SRGAP1: variants seen among roughly 807,000 people sequenced by gnomAD.
SRGAP1 encodes the protein SLIT-ROBO Rho GTPase activating protein 1, also known as SLIT-ROBO Rho GTPase-activating protein 1.
A neutral mutation model predicts 121.9 loss-of-function variants in SRGAP1; 43 were observed. The observed-to-expected ratio is 0.35, with a 90% CI of 0.28 to 0.46. SRGAP1 has a LOEUF of 0.46. Among genes scored for constraint, SRGAP1 ranks in the 20% least tolerant of loss-of-function variants. The pLI is 1.00. For synonymous variants in SRGAP1, 447 were observed against 485.4 expected (o/e 0.92, Z 1.04); for missense variants, 1,102 against 1,350.9 (o/e 0.82, Z 2.89).
chr12:63,955,333 A>T (rs1357846470), intron 1 of SRGAP1, among the ~76,000 whole-genome samples: 2 of 152,238 alleles, frequency 1.3e-5, no homozygotes, highest in East Asian at 3.8e-4. Context: ...AAAAAAATAA[A>T]TAAAAATAAA....
intron 18 of SRGAP1, among the ~76,000 whole-genome samples, chr12:64,122,671 G>A (rs2036622628): frequency 6.6e-6 from 1 of 152,134 alleles, no homozygotes; most frequent in Admixed American, 6.5e-5. Context: ...AGGCCGAGGT[G>A]GACGGATCAC....
chr12:63,943,827 C>T (rs1228343436), intron 1 of SRGAP1, among the ~76,000 whole-genome samples: 1 of 152,088 alleles, frequency 6.6e-6, no homozygotes, highest in East Asian at 1.9e-4. Context: ...ATCAGCAGTA[C>T]ATGGCTGGAA....
At chr12:64,019,685 ATACT>A (rs925692096) in intron 4 of SRGAP1, among the ~76,000 whole-genome samples, 5 of 152,204 alleles carry the variant, frequency 3.3e-5, no homozygotes, top group South Asian at 2.1e-4. Flanking sequence ...CATTATATTA[ATACT>A]TACTCAGTTT....
chr12:64,062,789 C>T (rs2035473139), intron 6 of SRGAP1, 128 bp from the exon 7 acceptor site: 1 of 637,506 alleles, frequency 1.6e-6, no homozygotes, highest in East Asian at 2.7e-5. Context: ...AAACCAGTGC[C>T]TAATCCAATG....
chr12:64,133,434 A>G lies in SRGAP1; in HGVS notation c.2880+5234A>G, dbSNP rs548869630. Among the ~76,000 whole-genome samples the G allele has an allele frequency of 2.0e-5, 3 of 152,126 alleles. No homozygotes were observed. The South Asian group carries it at 6.2e-4, about 32-fold the overall frequency. ...GACCTGAGCTAAAACTCCATTAATT[A>G]CCTGACCTCCACAAGCCACTACTTT... On this transcript the variant is annotated intron_variant, in intron 21 of 21. Coordinates refer to ENST00000355086, the MANE Select transcript of SRGAP1 (RefSeq NM_020762.4).
Position 63,873,541 on chromosome 12 carries a change from A to C in SRGAP1, c.67+28658A>C, listed in dbSNP as rs529755278. 3.3e-5 allele frequency among the ~76,000 whole-genome samples: 5 copies of C among 152,040 alleles called. No homozygotes were observed. The South Asian group carries it at 1.0e-3, about 32-fold the overall frequency. ...AGAGTGAAAATCCGTCTCAAAAAAA[A>C]AAAAAAGAAAAGAAAAGAAAAAAAA... On this transcript the variant is annotated intron_variant, in intron 1 of 21. Coordinates refer to ENST00000355086, the MANE Select transcript of SRGAP1 (RefSeq NM_020762.4).
intron 3 of SRGAP1, among the ~76,000 whole-genome samples, chr12:63,999,678 G>C (rs1565630540): frequency 6.6e-6 from 1 of 152,116 alleles, no homozygotes; most frequent in African/African-American, 2.4e-5. Context: ...ATGGGAACGG[G>C]ATTATGGAAA....
At chr12:63,871,728 T>C (rs545198900) in intron 1 of SRGAP1, 58 of 969,634 alleles carry the variant, frequency 6.0e-5, no homozygotes, top group Admixed American at 3.2e-4. Flanking sequence ...AAAAGAAAAA[T>C]ATTCCAAAGT....
At chr12:63,987,900 G>GTTA (rs1163293691) in intron 2 of SRGAP1, among the ~76,000 whole-genome samples, 1 of 152,042 alleles carries the variant, frequency 6.6e-6, no homozygotes, top group Non-Finnish European at 1.5e-5. Flanking sequence ...TAAAATATAT[G>GTTA]TTAACTCCAG....
At chr12:64,129,084 CAA>C (rs1224762020) in intron 21 of SRGAP1, among the ~76,000 whole-genome samples, 1 of 150,788 alleles carries the variant, frequency 6.6e-6, no homozygotes, top group Admixed American at 6.6e-5. Flanking sequence ...GTCAATATAG[CAA>C]AATCCCGTGT....
At chr12:64,066,274 T>A (rs1302794294) in intron 8 of SRGAP1, among the ~76,000 whole-genome samples, 1 of 152,228 alleles carries the variant, frequency 6.6e-6, no homozygotes, top group Non-Finnish European at 1.5e-5. Flanking sequence ...CATCCTAGCA[T>A]TCTTGTCTCT....
At chr12:63,967,526 G>A (rs995222267) in intron 1 of SRGAP1, among the ~76,000 whole-genome samples, 3 of 152,174 alleles carry the variant, frequency 2.0e-5, no homozygotes, top group African/African-American at 4.8e-5. Flanking sequence ...ACCAGTGGAC[G>A]AGTTCTTATT....
At chr12:64,049,564 T>A (rs574965644) in intron 6 of SRGAP1, among the ~76,000 whole-genome samples, 86 of 152,192 alleles carry the variant, frequency 5.7e-4, no homozygotes, top group Non-Finnish European at 1.2e-3. Context: ...ACCTCCCACC[T>A]GGTCCTTCAC....
chr12:64,130,460 C>T (rs1028618359), intron 21 of SRGAP1, among the ~76,000 whole-genome samples: 10 of 152,184 alleles, frequency 6.6e-5, no homozygotes, highest in South Asian at 2.1e-4. Context: ...ACTTCCACTT[C>T]CACCTCTTGA....
intron 16 of SRGAP1, among the ~76,000 whole-genome samples, chr12:64,109,669 C>T (rs899179214): frequency 6.6e-6 from 1 of 152,182 alleles, no homozygotes; most frequent in African/African-American, 2.4e-5. Flanking sequence ...TCCCCAAGTC[C>T]TATCTAAGAG....
Position 64,017,018 on chromosome 12 carries a change from G to C in SRGAP1, c.489+6G>C, listed in dbSNP as rs545185850. 1 of 1,484,020 alleles carries C rather than the reference G, an allele frequency of 6.7e-7. No homozygotes were observed. The highest frequency in any genetic ancestry group is 1.2e-5 in the South Asian group (1 of 80,604). The allele number at this position is 1,484,020 out of a possible 1,614,324, so 91.9% of individuals were successfully genotyped here. The stretch of plus-strand genomic sequence containing the variant: ...TTCTTAATGAGCTTTATACGGTAAG[G>C]ACATAATCTTTCTTCTTTTCTAGAA... On this transcript the variant is annotated splice_donor_region_variant and intron_variant, in intron 4 of 21. Transcript: ENST00000355086.
Position 64,126,484 on chromosome 12 carries a change from C to T in SRGAP1, c.2405+327C>T, listed in dbSNP as rs202031482. The stretch of plus-strand genomic sequence containing the variant: ...TGCTCTTCTCTTGATGTCTGTTTAC[C>T]GTTTCAATTCCAGATTCCCCAGAGG... On this transcript the variant is annotated intron_variant, in intron 19 of 21. Transcript: ENST00000355086. Among the ~76,000 whole-genome samples the T allele has an allele frequency of 1.9e-4, 29 of 152,282 alleles. No homozygotes were observed. The East Asian group carries it at 5.2e-3, about 27-fold the overall frequency.
intron 17 of SRGAP1, among the ~76,000 whole-genome samples, chr12:64,115,198 G>A (rs921505385): frequency 6.6e-6 from 1 of 152,116 alleles, no homozygotes; most frequent in African/African-American, 2.4e-5. Context: ...TATCCATAGG[G>A]CAATAATCAT....
rs1330894477 is a variant in SRGAP1 at position 64,156,672 on chromosome 12, T to C, written c.*14000T>C. ...TTATTACACCGAGTACAACAGGGAA[T>C]AATAAGCCATCTATCTGAACGTGCA... On this transcript the variant is annotated 3_prime_UTR_variant, in exon 22 of 22. Transcript: ENST00000355086. The C allele has an allele frequency of 6.6e-6, 1 of 152,194 alleles. No individual in the cohort carries two copies. Among genetic ancestry groups the C allele is most frequent in the African/African-American group, 2.4e-5 (1 of 41,442 alleles). 9.4% of individuals were successfully genotyped at this position (152,194 alleles called of 1,614,324 possible).
Sources: allele counts gnomAD v4.1 joint callset (sites outside exome capture counted in the v4.1 genomes callset), GRCh38; gene constraint gnomAD v4.1.1; transcripts MANE v1.5; gene names NCBI Gene and HGNC (gene_info 2026-07-23, HGNC 2026-07-21).